The following XPR1 variants were observed in gnomAD, a reference collection of about 807,000 sequenced individuals.
XPR1 encodes the protein solute carrier family 53 member 1.
A neutral mutation model predicts 87.5 loss-of-function variants in XPR1; 28 were observed. That is an observed-to-expected ratio of 0.32 (90% CI 0.24 to 0.44). The LOEUF is 0.44. Ranked by LOEUF, XPR1 falls within the 20% of genes least tolerant of loss-of-function variation. The pLI, the probability that XPR1 is intolerant of heterozygous loss-of-function variation, is 1.00. For synonymous variants in XPR1, 300 were observed against 306.1 expected, an observed-to-expected ratio of 0.98 and a Z score of 0.21; for missense variants, 559 against 862.3, an observed-to-expected ratio of 0.65 and a Z score of 4.41.
At chr1:180,765,505 A>G (rs1057222238) in intron 2 of XPR1, among the ~76,000 whole-genome samples, 3 of 152,278 alleles carry the variant, frequency 2.0e-5, no homozygotes, top group Middle Eastern at 3.4e-3. Flanking sequence ...TTTCAAATAC[A>G]GTTGTCCTTT....
chr1:180,863,047 A>C (rs559050389), intron 11 of XPR1, among the ~76,000 whole-genome samples: 2 of 152,254 alleles, frequency 1.3e-5, no homozygotes, highest in South Asian at 4.1e-4. Context: ...GCCAAAGGTT[A>C]CTTTATAGTG....
intron 11 of XPR1, among the ~76,000 whole-genome samples, chr1:180,856,386 T>G (rs1652034271): frequency 6.6e-6 from 1 of 152,104 alleles, no homozygotes; most frequent in Non-Finnish European, 1.5e-5. Flanking sequence ...GACTTATCTC[T>G]CATTGTAGCC....
intron 4 of XPR1, 118 bp downstream of exon 4, chr1:180,803,729 G>C: frequency 1.2e-6 from 1 of 821,956 alleles, no homozygotes; most frequent in East Asian, 2.6e-5. Flanking sequence ...TCCTTAACAT[G>C]TTGTTATTCT....
At position 180,771,428 on chromosome 1, in the gene XPR1, C is replaced by T. The variant is rs562682231; in HGVS notation, c.122-16325C>T. On this transcript the variant is annotated intron_variant, in intron 2 of 14. Transcript: ENST00000367590. ...TACCCAGCTTTCCTTAATGTTAAAA[C>T]GTACTCAATCGTAGTGCAATTACCA... is the stretch of plus-strand genomic sequence containing the variant. Among the ~76,000 whole-genome samples, 7 of 152,264 alleles carry T rather than the reference C, an allele frequency of 4.6e-5. No homozygotes were observed. The South Asian group carries it at 1.0e-3, about 23-fold the overall frequency.
chr1:180,804,209 C>T (rs1649900753), intron 4 of XPR1, among the ~76,000 whole-genome samples: 1 of 152,180 alleles, frequency 6.6e-6, no homozygotes, highest in Non-Finnish European at 1.5e-5. Context: ...TGGTCTTCAG[C>T]TCAGTGAGCT....
intron 11 of XPR1, among the ~76,000 whole-genome samples, chr1:180,842,596 C>G (rs1651554684): frequency 6.6e-6 from 1 of 152,118 alleles, no homozygotes; most frequent in Non-Finnish European, 1.5e-5. Context: ...AAGGCAATTC[C>G]TACAAGTGTT....
chr1:180,825,385 T>C, intron 9 of XPR1, 41 bp downstream of exon 9: 1 of 1,571,282 alleles, frequency 6.4e-7, no homozygotes, highest in Non-Finnish European at 8.6e-7. Flanking sequence ...GAGTGGCATA[T>C]TGGTTATTGA....
At chr1:180,696,204 G>GTA (rs1280091948) in intron 2 of XPR1, among the ~76,000 whole-genome samples, 4,102 of 101,028 alleles carry the variant, frequency 0.041, 76 homozygotes, top group Non-Finnish European at 0.06. Flanking sequence ...GTGTGTGTGT[G>GTA]TGTGTATATA....
rs1349995400 is a variant in XPR1, at chr1:180,885,028, TG to T, written c.*964del. The T allele has an allele frequency of 3.9e-5, 6 of 152,520 alleles. No homozygotes were observed. The highest frequency in any genetic ancestry group is 8.8e-5 in the Non-Finnish European group (6 of 68,042). The allele number at this position is 152,520 out of a possible 1,614,324, so 9.4% of individuals were successfully genotyped here. ...TTTAAGGAACAGATGTGGAATACACTGGCCCATATTTCAACCTTAACAGCTG... is the reference window on the plus strand; with the variant it reads ...TTTAAGGAACAGATGTGGAATACACTGCCCATATTTCAACCTTAACAGCTG... On this transcript the variant is annotated 3_prime_UTR_variant, in exon 15 of 15. Coordinates refer to ENST00000367590, the MANE Select transcript of XPR1 (RefSeq NM_004736.4).
chr1:180,817,765 C>T (rs996299144), intron 7 of XPR1, among the ~76,000 whole-genome samples: 4 of 152,030 alleles, frequency 2.6e-5, no homozygotes, highest in African/African-American at 9.7e-5. Flanking sequence ...AGGCAAAAAT[C>T]AGGAGTTTAC....
intron 1 of XPR1, among the ~76,000 whole-genome samples, chr1:180,673,959 T>G (rs10914065): frequency 0.043 from 6,554 of 152,310 alleles, 505 homozygotes; most frequent in African/African-American, 0.15. Context: ...CATAAATGAT[T>G]CATTTTTGGA....
intron 2 of XPR1, among the ~76,000 whole-genome samples, chr1:180,719,777 G>A (rs887403204): frequency 1.3e-5 from 2 of 152,134 alleles, no homozygotes; most frequent in Non-Finnish European, 2.9e-5. Flanking sequence ...TAGCTGTAAT[G>A]TAGAGAAAAT....
chr1:180,786,706 C>T (rs1054885522), intron 2 of XPR1, among the ~76,000 whole-genome samples: 1 of 152,182 alleles, frequency 6.6e-6, no homozygotes, highest in Non-Finnish European at 1.5e-5. Flanking sequence ...TTTATAGCTT[C>T]TCCTGAAAAA....
rs4652536 is a variant in XPR1 at position 180,880,503 on chromosome 1, G to A, written c.2030+206G>A. On this transcript the variant is annotated intron_variant, in intron 14 of 14. Coordinates refer to ENST00000367590, the MANE Select transcript of XPR1 (RefSeq NM_004736.4). ...TGAGCACATAGAGTAAATGTCATCA[G>A]TGCATAACCTAGTAATTTGGCACTA... Among the ~76,000 whole-genome samples the A allele has an allele frequency of 0.95, 145,432 of 152,314 alleles. 69,474 individuals carry two copies. The highest frequency in any genetic ancestry group is 0.99 in the East Asian group (5,139 of 5,192).
At chr1:180,883,663 T>G (rs190580068) in intron 14 of XPR1, among the ~76,000 whole-genome samples, 4 of 146,446 alleles carry the variant, frequency 2.7e-5, no homozygotes, top group Non-Finnish European at 5.9e-5. Flanking sequence ...GAGCTGAGAT[T>G]ATGCCACTGC....
chr1:180,757,246 C>T (rs934510692), intron 2 of XPR1, among the ~76,000 whole-genome samples: 1 of 152,090 alleles, frequency 6.6e-6, no homozygotes, highest in Non-Finnish European at 1.5e-5. Flanking sequence ...CAAAAGTATA[C>T]TAAATGGAGA....
chr1:180,824,959 C>G lies in XPR1; in HGVS notation c.954+16C>G. On this transcript the variant is annotated intron_variant, in intron 8 of 14. Transcript: ENST00000367590. ...TCTCTTTGAGGTAATCAAAGCAAGA[C>G]ATAACACCTCATGAATATAGTTTGC... is the stretch of plus-strand genomic sequence containing the variant. The G allele has an allele frequency of 6.2e-7, 1 of 1,609,384 alleles. No individual in the cohort carries two copies. The highest frequency in any genetic ancestry group is 1.3e-5 in the African/African-American group (1 of 74,840).
intron 6 of XPR1, among the ~76,000 whole-genome samples, chr1:180,811,039 CAG>C (rs150991283): frequency 9.5e-4 from 145 of 152,120 alleles, no homozygotes; most frequent in African/African-American, 3.2e-3. Flanking sequence ...TGTTAATACT[CAG>C]TGCTTTTATT....
chr1:180,693,855 C>T (rs972515980), intron 2 of XPR1, among the ~76,000 whole-genome samples: 4 of 152,102 alleles, frequency 2.6e-5, no homozygotes, highest in African/African-American at 9.7e-5. Flanking sequence ...CTCTTTTTTC[C>T]AATAAGATCA....
Sources: allele counts gnomAD v4.1 joint callset (sites outside exome capture counted in the v4.1 genomes callset), GRCh38; gene constraint gnomAD v4.1.1; transcripts MANE v1.5; gene names NCBI Gene and HGNC (gene_info 2026-07-23, HGNC 2026-07-21).